Variants in GPC5 observed in about 807,000 individuals in gnomAD.
GPC5 encodes glypican-5.
GPC5 carries 47 observed loss-of-function variants against 53.9 expected under a neutral mutation model. The observed-to-expected ratio is 0.87, with a 90% CI of 0.69 to 1.11. The LOEUF (loss-of-function observed/expected upper bound fraction) is 1.11, where lower values mean the gene tolerates loss of function less well. Among genes scored for constraint, GPC5 ranks in the 50% most tolerant of loss-of-function variants. GPC5 has a pLI of 0.00. For missense variants in GPC5, 748 were observed against 713.1 expected (o/e 1.05, Z -0.56); for synonymous variants, 286 against 263.3 (o/e 1.09, Z -0.84).
intron 7 of GPC5, among the ~76,000 whole-genome samples, chr13:92,146,235 A>G (rs545492745): frequency 9.2e-5 from 14 of 152,276 alleles, no homozygotes; most frequent in African/African-American, 3.4e-4. Context: ...GAGTATTAAT[A>G]TAGCTTATCA....
chr13:91,621,041 C>A (rs910056964), intron 2 of GPC5, among the ~76,000 whole-genome samples: 1 of 152,088 alleles, frequency 6.6e-6, no homozygotes, highest in African/African-American at 2.4e-5. Context: ...CTATGTCCAA[C>A]GTTGCAACAA....
intron 2 of GPC5, among the ~76,000 whole-genome samples, chr13:91,551,528 G>A (rs1354341870): frequency 6.6e-6 from 1 of 152,124 alleles, no homozygotes; most frequent in African/African-American, 2.4e-5. Flanking sequence ...GAATTCCATG[G>A]TATGTCAGGG....
chr13:91,425,113 G>A (rs11839216), intron 1 of GPC5, among the ~76,000 whole-genome samples: 1,738 of 152,210 alleles, frequency 0.011, 34 homozygotes, highest in African/African-American at 0.041. Flanking sequence ...GTTTGTATAA[G>A]GAAAGCAAAT....
chr13:92,265,737 T>A (rs556375265), intron 7 of GPC5, among the ~76,000 whole-genome samples: 1 of 152,162 alleles, frequency 6.6e-6, no homozygotes, highest in Non-Finnish European at 1.5e-5. Flanking sequence ...TTTCAGGTAT[T>A]TGTTATAGCA....
intron 6 of GPC5, among the ~76,000 whole-genome samples, chr13:91,998,228 T>C (rs1335447623): frequency 1.3e-5 from 2 of 152,196 alleles, no homozygotes; most frequent in African/African-American, 4.8e-5. Context: ...CCCTCTTCTA[T>C]TTTTCTCTGT....
chr13:92,200,213 CA>C (rs2042284563), intron 7 of GPC5, among the ~76,000 whole-genome samples: 1 of 151,960 alleles, frequency 6.6e-6, no homozygotes. Flanking sequence ...TCTTTTAAAA[CA>C]TGAGTTCAGA....
chr13:92,353,009 C>T (rs986962355), intron 7 of GPC5, among the ~76,000 whole-genome samples: 1 of 151,930 alleles, frequency 6.6e-6, no homozygotes, highest in African/African-American at 2.4e-5. Context: ...GCCTGTAATC[C>T]CAGCACTTTG....
At chr13:92,119,395 T>TTTTC (rs2041627749) in intron 6 of GPC5, among the ~76,000 whole-genome samples, 3 of 121,440 alleles carry the variant, frequency 2.5e-5, no homozygotes, top group Middle Eastern at 3.8e-3. Flanking sequence ...TTTTAGTTTT[T>TTTTC]TTTTTTTTTT....
chr13:92,311,758 C>A (rs1159026825), intron 7 of GPC5, among the ~76,000 whole-genome samples: 1 of 152,282 alleles, frequency 6.6e-6, no homozygotes, highest in East Asian at 1.9e-4. Flanking sequence ...CTGGGTCCAT[C>A]CCATGACATG....
At chr13:92,148,037 C>G (rs546719819) in intron 7 of GPC5, among the ~76,000 whole-genome samples, 1 of 152,054 alleles carries the variant, frequency 6.6e-6, no homozygotes, top group South Asian at 2.1e-4. Context: ...TGAAATGCAC[C>G]ACTATTTCTT....
chr13:92,796,746 C>T (rs746113448), intron 7 of GPC5, among the ~76,000 whole-genome samples: 11 of 151,848 alleles, frequency 7.2e-5, no homozygotes, highest in African/African-American at 2.2e-4. Flanking sequence ...TCCAATGCTA[C>T]ATCAGTCAGA....
At chr13:91,808,409 G>T (rs1173967884) in intron 5 of GPC5, among the ~76,000 whole-genome samples, 1 of 152,028 alleles carries the variant, frequency 6.6e-6, no homozygotes, top group Non-Finnish European at 1.5e-5. Flanking sequence ...GCACCTATCT[G>T]TCTGCATCTT....
At chr13:92,499,218 G>A (rs1880095987) in intron 7 of GPC5, among the ~76,000 whole-genome samples, 1 of 152,104 alleles carries the variant, frequency 6.6e-6, no homozygotes, top group African/African-American at 2.4e-5. Flanking sequence ...TGGCTCCAGG[G>A]TTCAAACAAT....
At chr13:92,305,117 C>T (rs541811408) in intron 7 of GPC5, among the ~76,000 whole-genome samples, 33 of 152,286 alleles carry the variant, frequency 2.2e-4, no homozygotes, top group African/African-American at 7.7e-4. Context: ...CTCATCTCAA[C>T]TATTCATACT....
At chr13:91,556,530 A>G (rs1185287022) in intron 2 of GPC5, among the ~76,000 whole-genome samples, 3 of 151,162 alleles carry the variant, frequency 2.0e-5, no homozygotes, top group African/African-American at 7.3e-5. Context: ...GTGTATATAT[A>G]TATATATAAA....
intron 7 of GPC5, among the ~76,000 whole-genome samples, chr13:92,188,549 G>C (rs189364122): frequency 5.4e-4 from 82 of 152,154 alleles, no homozygotes; most frequent in Non-Finnish European, 9.9e-4. Context: ...ATAATGGTAT[G>C]AAATAAAAGT....
At chr13:91,451,692 A>G (rs1240749448) in intron 2 of GPC5, among the ~76,000 whole-genome samples, 4 of 151,696 alleles carry the variant, frequency 2.6e-5, no homozygotes, top group Non-Finnish European at 5.9e-5. Context: ...ATCTTTGCTC[A>G]CTGCAACCTC....
intron 2 of GPC5, among the ~76,000 whole-genome samples, chr13:91,468,049 C>G (rs1297912051): frequency 6.6e-6 from 1 of 152,070 alleles, no homozygotes; most frequent in Non-Finnish European, 1.5e-5. Context: ...GAAGGAGCAG[C>G]CCTATCTGAG....
At chr13:92,793,229 A>T (rs1170581543) in intron 7 of GPC5, among the ~76,000 whole-genome samples, 1 of 152,094 alleles carries the variant, frequency 6.6e-6, no homozygotes, top group South Asian at 2.1e-4. Flanking sequence ...GGATTAAGAA[A>T]CTCACTCAAA....
Sources: allele counts gnomAD v4.1 joint callset (sites outside exome capture counted in the v4.1 genomes callset), GRCh38; gene constraint gnomAD v4.1.1; transcripts MANE v1.5; gene names NCBI Gene and HGNC (gene_info 2026-07-23, HGNC 2026-07-21).